Variants in LHX5 observed in about 807,000 individuals in gnomAD.
LHX5 encodes LIM/homeobox protein Lhx5.
A neutral mutation model predicts 30.6 loss-of-function variants in LHX5; 5 were observed. The ratio of observed to expected loss-of-function variants is 0.16; its 90% CI spans 0.09 to 0.34. The LOEUF is 0.34. Among genes scored for constraint, LHX5 ranks in the 10% least tolerant of loss-of-function variants. The pLI, the probability that LHX5 is intolerant of heterozygous loss-of-function variation, is 1.00. For synonymous variants in LHX5, 266 were observed against 252.6 expected, an observed-to-expected ratio of 1.05 and a Z score of -0.50; for missense variants, 458 against 570.6, an observed-to-expected ratio of 0.80 and a Z score of 2.01.
Position 113,471,470 on chromosome 12 carries a change from C to A in LHX5, c.29G>T (p.Arg10Leu), listed in dbSNP as rs187043986. ...CAGCAGAAAGCGGTCGAGGATGGGC[C>A]GCTCGCAACCGGCGCAGTGCACCAT... MMVHCAGCE[R>L]PILDRFLLNV... The change falls in exon 1 of 5, where the codon CGG becomes CTG. Residue 10 changes from arginine (R) to leucine (L), a missense_variant. Arg to Leu is a moderately radical substitution (Grantham distance 102, BLOSUM62 -2). Coordinates refer to ENST00000261731, the MANE Select transcript of LHX5 (RefSeq NM_022363.3). 13 of 1,608,622 alleles carry A rather than the reference C, an allele frequency of 8.1e-6. No homozygotes were observed. In the East Asian group the frequency reaches 2.2e-4, roughly 28 times the overall value.
In LHX5 at chr12:113,465,369, T is replaced by C. The variant is rs1958206975; in HGVS notation, c.842-1812A>G. Among the ~76,000 whole-genome samples, 1 of 152,112 alleles carries C rather than the reference T, an allele frequency of 6.6e-6. No homozygotes were observed. Among genetic ancestry groups the C allele is most frequent in the African/African-American group, 2.4e-5 (1 of 41,454 alleles). ...GCGCCGTGCGCGCCGCCTCCGCCCA[T>C]ATGGCGGCCGGGCCGGAGGTAATTG... On this transcript the variant is annotated intron_variant, in intron 4 of 4. Coordinates refer to ENST00000261731, the MANE Select transcript of LHX5 (RefSeq NM_022363.3). The surrounding 1 kb of genome is among the most constrained non-coding windows in gnomAD (Gnocchi z 6.7).
rs1283932875 is a variant in LHX5, at chr12:113,471,488, T to G, written c.11A>C (p.His4Pro). MMV[H>P]CAGCERPILD... ...GATGGGCCGCTCGCAACCGGCGCAGTGCACCATCATAGCCCCGCGCCCCGG... is the reference window on the plus strand; with the variant it reads ...GATGGGCCGCTCGCAACCGGCGCAGGGCACCATCATAGCCCCGCGCCCCGG... Residue 4 changes from histidine to proline, a missense_variant, in exon 1 of 5, where the codon CAC becomes CCC. His to Pro is a moderately conservative substitution (Grantham distance 77). Coordinates refer to ENST00000261731, the MANE Select transcript of LHX5 (RefSeq NM_022363.3). 6.2e-7 allele frequency: 1 copy of G among 1,603,790 alleles called. No individual in the cohort carries two copies. Among genetic ancestry groups the G allele is most frequent in the Non-Finnish European group, 8.5e-7 (1 of 1,175,306 alleles).
chr12:113,462,837 A>C lies in LHX5; in HGVS notation c.*353T>G. On this transcript the variant is annotated 3_prime_UTR_variant, in exon 5 of 5. Coordinates refer to ENST00000261731, the MANE Select transcript of LHX5 (RefSeq NM_022363.3). ...CCTTGGCCTCACCCTCTCTCAGTCC[A>C]AAGAGGTGGCGGTGGCTGGGTGGGT... The C allele has an allele frequency of 9.3e-6, 1 of 107,538 alleles. No homozygotes were observed. 6.7% of individuals were successfully genotyped at this position (107,538 alleles called of 1,614,324 possible).
rs1958189203 is a variant in LHX5 at position 113,463,347 on chromosome 12, G to C, written c.1052C>G (p.Pro351Arg). Residue 351 changes from proline to arginine, a missense_variant, in exon 5 of 5, where the codon CCG becomes CGG. Around this residue, in one of 3 missense-constraint regions of LHX5, gnomAD observed 255 missense variants for 246.8 expected, o/e 1.03. Coordinates refer to ENST00000261731, the MANE Select transcript of LHX5 (RefSeq NM_022363.3). The surrounding 1 kb of genome is among the most constrained non-coding windows in gnomAD (Gnocchi z 6.7). ...GCCCGGCAGGCCTGGCTCGGGGCTC[G>C]GTGTGTCCGGGTGCGAGATCATGTC... ...FTDMISHPDT[P>R]SPEPGLPGTL... 1.3e-6 allele frequency: 2 copies of C among 1,545,262 alleles called. No individual in the cohort carries two copies. The highest frequency in any genetic ancestry group is 1.2e-5 in the South Asian group (1 of 83,898).
intron 2 of LHX5, among the ~76,000 whole-genome samples, 189 bp from the exon 3 acceptor site, chr12:113,468,593 C>A (rs1304183830): frequency 1.3e-5 from 2 of 152,214 alleles, no homozygotes; most frequent in African/African-American, 4.8e-5. Context: ...TCTCTCCAGG[C>A]GGGGCTGGGC....
At chr12:113,469,651 C>T (rs1958235652) in intron 1 of LHX5, among the ~76,000 whole-genome samples, 1 of 152,208 alleles carries the variant, frequency 6.6e-6, no homozygotes, top group Admixed American at 6.5e-5. Flanking sequence ...ATGTCCTCCC[C>T]CAAACCCAAC....
Position 113,464,574 on chromosome 12 carries a change from C to A in LHX5, c.842-1017G>T, listed in dbSNP as rs1433594877. 6.6e-6 allele frequency among the ~76,000 whole-genome samples: 1 copy of A among 152,128 alleles called. No homozygotes were observed. Among genetic ancestry groups the A allele is most frequent in the African/African-American group, 2.4e-5 (1 of 41,430 alleles). Reference sequence around the variant, plus strand: ...TGAGAAAGAGAAAACTGAGCTCCAGCGACTTGGGAGAGGGGGAGGAGGACA... The same window carrying A: ...TGAGAAAGAGAAAACTGAGCTCCAGAGACTTGGGAGAGGGGGAGGAGGACA... On this transcript the variant is annotated intron_variant, in intron 4 of 4. Transcript: ENST00000261731. The surrounding 1 kb of genome is among the most constrained non-coding windows in gnomAD (Gnocchi z 6.2).
At position 113,466,880 on chromosome 12, in the gene LHX5, C is replaced by T. The variant is rs555272322; in HGVS notation, c.841+376G>A. Among the ~76,000 whole-genome samples the T allele has an allele frequency of 1.4e-4, 21 of 152,190 alleles. No homozygotes were observed. The South Asian group carries it at 1.9e-3, about 14-fold the overall frequency. On this transcript the variant is annotated intron_variant, in intron 4 of 4. Coordinates refer to ENST00000261731, the MANE Select transcript of LHX5 (RefSeq NM_022363.3). The surrounding 1 kb of genome is among the most constrained non-coding windows in gnomAD (Gnocchi z 6.5). ...CCTCAGTGTGACTGGTGGGAGTGTG[C>T]GCGTCTGTGGAGTTGTGTCTCCGTG...
chr12:113,470,291 C>T (rs1465024332), intron 1 of LHX5, among the ~76,000 whole-genome samples: 1 of 152,154 alleles, frequency 6.6e-6, no homozygotes, highest in African/African-American at 2.4e-5. Context: ...ATTTGGGTGA[C>T]ATTGATGTAG....
At position 113,462,377 on chromosome 12, in the gene LHX5, G is replaced by A. The variant is rs1837434130; in HGVS notation, c.*813C>T. 1.3e-5 allele frequency: 2 copies of A among 152,214 alleles called. No individual in the cohort carries two copies. The highest frequency in any genetic ancestry group is 4.8e-5 in the African/African-American group (2 of 41,444). 9.4% of individuals were successfully genotyped at this position (152,214 alleles called of 1,614,324 possible). A position where few individuals can be genotyped will look rare whatever the true frequency, so the allele number is the denominator to read the frequency against. ...TGGGTCTGAGCCCAGCAATCCTGGC[G>A]CCCCACCCAGGGGGAGAGCAGGATG... is the stretch of plus-strand genomic sequence containing the variant. On this transcript the variant is annotated 3_prime_UTR_variant, in exon 5 of 5. Coordinates refer to ENST00000261731, the MANE Select transcript of LHX5 (RefSeq NM_022363.3).
In LHX5 at chr12:113,471,673, G is replaced by A. The variant is rs1958253024; in HGVS notation, c.-175C>T. ...TGGGCAATCTCTGGCCTGGCGCTGG[G>A]CTGCCCGGAGTGGGGTGGTGGGGGG... On this transcript the variant is annotated 5_prime_UTR_variant, in exon 1 of 5. Transcript: ENST00000261731. 3.2e-6 allele frequency: 2 copies of A among 634,108 alleles called. No individual in the cohort carries two copies. The highest frequency in any genetic ancestry group is 5.2e-6 in the Non-Finnish European group (2 of 384,918). The allele number at this position is 634,108 out of a possible 1,614,324, so 39.3% of individuals were successfully genotyped here.
In LHX5 at chr12:113,463,017, GC is replaced by G. The variant is rs35666719; in HGVS notation, c.*172del. ...GCCCGCGGGGTGGAGATGGGGGTCG[GC>G]CCCCCCTCGGCGCCCAGCCGAGGAG... On this transcript the variant is annotated 3_prime_UTR_variant, in exon 5 of 5. Coordinates refer to ENST00000261731, the MANE Select transcript of LHX5 (RefSeq NM_022363.3). The surrounding 1 kb of genome is among the most constrained non-coding windows in gnomAD (Gnocchi z 6.7). 5.6e-5 allele frequency: 33 copies of G among 588,032 alleles called. No homozygotes were observed. Among genetic ancestry groups the G allele is most frequent in the East Asian group, 3.5e-4 (10 of 28,778 alleles). 36.4% of individuals were successfully genotyped at this position (588,032 alleles called of 1,614,324 possible). A position where few individuals can be genotyped will look rare whatever the true frequency, so the allele number is the denominator to read the frequency against.
intron 1 of LHX5, 72 bp downstream of exon 1, chr12:113,471,254 C>A: frequency 1.3e-6 from 2 of 1,513,548 alleles, no homozygotes; most frequent in South Asian, 1.2e-5. Flanking sequence ...ATGGGGGTAT[C>A]CCCTTCCCCA....
chr12:113,471,744 C>G lies in LHX5; in HGVS notation c.-246G>C, dbSNP rs1036427799. On this transcript the variant is annotated 5_prime_UTR_variant, in exon 1 of 5. Coordinates refer to ENST00000261731, the MANE Select transcript of LHX5 (RefSeq NM_022363.3). ...ATGCCACGGGCCGCACGCCCCGGCGCCTGTTCCGGGCTTCCCCAGGTATCT... is the reference window on the plus strand; with the variant it reads ...ATGCCACGGGCCGCACGCCCCGGCGGCTGTTCCGGGCTTCCCCAGGTATCT... 1.3e-5 allele frequency: 6 copies of G among 469,596 alleles called. No individual in the cohort carries two copies. Among genetic ancestry groups the G allele is most frequent in the Non-Finnish European group, 2.2e-5 (6 of 268,064 alleles). The allele number at this position is 469,596 out of a possible 1,614,324, so 29.1% of individuals were successfully genotyped here.
intron 1 of LHX5, 65 bp downstream of exon 1, chr12:113,471,261 C>G: frequency 6.4e-7 from 1 of 1,557,616 alleles, no homozygotes. Context: ...TATCCCCTTC[C>G]CCAGCGCCCC....
rs896001556 is a variant in LHX5, at chr12:113,468,571, G to T, written c.398-167C>A. ...CGACAGCCCCTCCCCCAGGGACCCGGTGCCCGCCCACTCTCTCCAGGCGGG... is the reference window on the plus strand; with the variant it reads ...CGACAGCCCCTCCCCCAGGGACCCGTTGCCCGCCCACTCTCTCCAGGCGGG... On this transcript the variant is annotated intron_variant, in intron 2 of 4. Coordinates refer to ENST00000261731, the MANE Select transcript of LHX5 (RefSeq NM_022363.3). 7.2e-5 allele frequency among the ~76,000 whole-genome samples: 11 copies of T among 152,306 alleles called. No homozygotes were observed. The East Asian group carries it at 2.1e-3, about 30-fold the overall frequency.
rs1204985225 is a variant in LHX5 at position 113,471,732 on chromosome 12, C to G, written c.-234G>C. 3.4e-5 allele frequency: 16 copies of G among 475,808 alleles called. No individual in the cohort carries two copies. Among genetic ancestry groups the G allele is most frequent in the Non-Finnish European group, 5.9e-5 (16 of 271,646 alleles). 29.5% of individuals were successfully genotyped at this position (475,808 alleles called of 1,614,324 possible). ...GTTCACAACCTCATGCCACGGGCCG[C>G]ACGCCCCGGCGCCTGTTCCGGGCTT... On this transcript the variant is annotated 5_prime_UTR_variant, in exon 1 of 5. Coordinates refer to ENST00000261731, the MANE Select transcript of LHX5 (RefSeq NM_022363.3).
Position 113,463,149 on chromosome 12 carries a change from G to T in LHX5, c.*41C>A. On this transcript the variant is annotated 3_prime_UTR_variant, in exon 5 of 5. Transcript: ENST00000261731. This position sits in a 1 kb window ranked among gnomAD's most constrained non-coding sequence, Gnocchi z 6.7. ...TGGTTTCAGGAGGCTGCTTCGGGGC[G>T]GGGCCCCCGGGGGCCGAGCGCGGGG... 6.9e-7 allele frequency: 1 copy of T among 1,445,598 alleles called. No homozygotes were observed. The allele number at this position is 1,445,598 out of a possible 1,614,324, so 89.5% of individuals were successfully genotyped here.
chr12:113,468,414 G>A lies in LHX5; in HGVS notation c.398-10C>T, dbSNP rs1370591764. The A allele has an allele frequency of 1.2e-6, 2 of 1,601,862 alleles. No individual in the cohort carries two copies. The highest frequency in any genetic ancestry group is 8.5e-7 in the Non-Finnish European group (1 of 1,171,178). On this transcript the variant is annotated splice_polypyrimidine_tract_variant and intron_variant, in intron 2 of 4. Coordinates refer to ENST00000261731, the MANE Select transcript of LHX5 (RefSeq NM_022363.3). ...TCCGTACAGGATGACACTGCGGGCG[G>A]ACGGATCGGGAAGGGGACAGCGGCG...
Sources: allele counts gnomAD v4.1 joint callset (sites outside exome capture counted in the v4.1 genomes callset), GRCh38; gene constraint gnomAD v4.1.1; regional missense constraint gnomAD v4.1.1; non-coding constraint Gnocchi (gnomAD v3.1); transcripts MANE v1.5; gene names NCBI Gene and HGNC (gene_info 2026-07-23, HGNC 2026-07-21).